MAD1L1: variants seen among roughly 807,000 people sequenced by gnomAD.
MAD1L1 encodes the protein mitotic arrest deficient 1 like 1.
A neutral mutation model predicts 96.9 loss-of-function variants in MAD1L1; 95 were observed. The ratio of observed to expected loss-of-function variants is 0.98; its 90% CI spans 0.83 to 1.16. The LOEUF (loss-of-function observed/expected upper bound fraction) is 1.16. MAD1L1 is among the 50% of genes most tolerant of loss of function. MAD1L1 has a pLI of 0.00. For synonymous variants in MAD1L1, 473 were observed against 396.6 expected, an observed-to-expected ratio of 1.19 and a Z score of -2.29; for missense variants, 1,007 against 954.4, an observed-to-expected ratio of 1.06 and a Z score of -0.73.
intron 9 of MAD1L1, among the ~76,000 whole-genome samples, chr7:2,214,983 G>A (rs1793184667): frequency 6.6e-6 from 1 of 152,176 alleles, no homozygotes; most frequent in Non-Finnish European, 1.5e-5. Flanking sequence ...TGTCATCTCA[G>A]CACTTTGGGA....
At chr7:1,826,183 C>G (rs1782382933) in intron 18 of MAD1L1, among the ~76,000 whole-genome samples, 1 of 152,168 alleles carries the variant, frequency 6.6e-6, no homozygotes, top group African/African-American at 2.4e-5. Context: ...ACAGGAGTCT[C>G]AGGTGCTGTG....
intron 14 of MAD1L1, among the ~76,000 whole-genome samples, chr7:1,987,852 C>A (rs180759729): frequency 6.6e-6 from 1 of 152,314 alleles, no homozygotes; most frequent in African/African-American, 2.4e-5. Context: ...CCAGCCCTCA[C>A]CGTGACGACG....
intron 11 of MAD1L1, among the ~76,000 whole-genome samples, chr7:2,102,859 T>C (rs1347864736): frequency 1.3e-5 from 2 of 152,162 alleles, no homozygotes; most frequent in Non-Finnish European, 2.9e-5. Flanking sequence ...ATGAGACGCA[T>C]CCTTGTCACT....
chr7:1,836,364 G>C (rs950041389), intron 18 of MAD1L1, among the ~76,000 whole-genome samples: 1 of 152,116 alleles, frequency 6.6e-6, no homozygotes, highest in African/African-American at 2.4e-5. Context: ...GGTGGGTTTG[G>C]GGTCAGCTTC....
chr7:2,126,325 G>C (rs1049276253), intron 11 of MAD1L1, among the ~76,000 whole-genome samples: 1 of 152,198 alleles, frequency 6.6e-6, no homozygotes, highest in Non-Finnish European at 1.5e-5. Context: ...GGTAACAAGG[G>C]CAGCTTCGAA....
intron 10 of MAD1L1, among the ~76,000 whole-genome samples, chr7:2,195,684 T>A (rs1791952124): frequency 6.6e-6 from 1 of 152,244 alleles, no homozygotes; most frequent in African/African-American, 2.4e-5. Flanking sequence ...AGTATTGTGT[T>A]GCAGCCTCAG....
intron 17 of MAD1L1, among the ~76,000 whole-genome samples, chr7:1,903,157 A>G (rs1787366223): frequency 6.6e-6 from 1 of 150,430 alleles, no homozygotes; most frequent in Admixed American, 6.6e-5. Flanking sequence ...TTGATCCAGC[A>G]CTGTTCCAGG....
chr7:1,988,957 CTG>C (rs1452808832), intron 14 of MAD1L1, among the ~76,000 whole-genome samples: 2 of 152,262 alleles, frequency 1.3e-5, no homozygotes, highest in Non-Finnish European at 2.9e-5. Flanking sequence ...CCCAGCAAGA[CTG>C]AGAGCCCTTC....
At chr7:1,839,605 G>A (rs1783131848) in intron 18 of MAD1L1, among the ~76,000 whole-genome samples, 2 of 152,242 alleles carry the variant, frequency 1.3e-5, no homozygotes, top group South Asian at 2.1e-4. Context: ...CTTAGTCAAA[G>A]GAGTAACTTT....
chr7:2,194,641 C>T (rs1352391615), intron 10 of MAD1L1, among the ~76,000 whole-genome samples: 2 of 152,188 alleles, frequency 1.3e-5, no homozygotes, highest in Non-Finnish European at 2.9e-5. Context: ...TAATACCCAG[C>T]CCTTTACAGA....
At chr7:1,971,531 G>T (rs994125701) in intron 15 of MAD1L1, among the ~76,000 whole-genome samples, 1 of 152,156 alleles carries the variant, frequency 6.6e-6, no homozygotes, top group African/African-American at 2.4e-5. Flanking sequence ...CAAATGATGT[G>T]TGTTTCACTT....
intron 15 of MAD1L1, among the ~76,000 whole-genome samples, chr7:1,971,757 T>G (rs2128480112): frequency 6.6e-6 from 1 of 152,188 alleles, no homozygotes; most frequent in South Asian, 2.1e-4. Flanking sequence ...TCCAGACAGA[T>G]GAGTGGCAAA....
intron 18 of MAD1L1, among the ~76,000 whole-genome samples, chr7:1,887,919 C>CGTGTA (rs1562492093): frequency 4.5e-4 from 10 of 22,084 alleles, no homozygotes; most frequent in South Asian, 1.8e-3. Context: ...GCATGCATGG[C>CGTGTA]TGCGGCTGCC....
At chr7:1,839,727 T>A (rs554700710) in intron 18 of MAD1L1, among the ~76,000 whole-genome samples, 43 of 152,174 alleles carry the variant, frequency 2.8e-4, no homozygotes, top group African/African-American at 9.6e-4. Flanking sequence ...GCCCTTCAGT[T>A]AGAACATCCC....
In MAD1L1 at chr7:1,832,742, A is replaced by C. The variant is rs4425649; in HGVS notation, c.1999-16514T>G. Among the ~76,000 whole-genome samples, 9 of 87,368 alleles carry C rather than the reference A, an allele frequency of 1.0e-4. 1 individual carries two copies. In the South Asian group the frequency reaches 1.8e-3, roughly 17 times the overall value. 57.3% of individuals were successfully genotyped at this position (87,368 alleles called of 152,430 possible). A position where few individuals can be genotyped will look rare whatever the true frequency, so the allele number is the denominator to read the frequency against. On this transcript the variant is annotated intron_variant, in intron 18 of 18. Transcript: ENST00000265854. ...CACCTCCCAGGTTCAAGCGATTTTCATGCCTCAGCCTCCCAAGTAGCTGGG... is the reference window on the plus strand; with the variant it reads ...CACCTCCCAGGTTCAAGCGATTTTCCTGCCTCAGCCTCCCAAGTAGCTGGG...
intron 16 of MAD1L1, among the ~76,000 whole-genome samples, chr7:1,952,948 G>A (rs1467024145): frequency 6.6e-6 from 1 of 152,236 alleles, no homozygotes; most frequent in Non-Finnish European, 1.5e-5. Flanking sequence ...CCCCGGTACA[G>A]GGACACGACC....
chr7:1,891,458 A>G (rs753336180), intron 18 of MAD1L1, among the ~76,000 whole-genome samples: 3 of 152,164 alleles, frequency 2.0e-5, no homozygotes, highest in Non-Finnish European at 4.4e-5. Context: ...CCAGGGAGGC[A>G]GAGGTTGCAG....
Position 2,082,368 on chromosome 7 carries a change from G to A in MAD1L1, c.1074-13030C>T, listed in dbSNP as rs192031301. On this transcript the variant is annotated intron_variant, in intron 11 of 18. Transcript: ENST00000265854. Reference sequence around the variant, plus strand: ...GAGCGGGAGAGACAGGAGGGAAGGAGCCAGGCCTGGGGAGCTCAGCAAGGG... The same window carrying A: ...GAGCGGGAGAGACAGGAGGGAAGGAACCAGGCCTGGGGAGCTCAGCAAGGG... Among the ~76,000 whole-genome samples, 24 of 152,252 alleles carry A rather than the reference G, an allele frequency of 1.6e-4. No individual in the cohort carries two copies. The East Asian group carries it at 4.6e-3, about 29-fold the overall frequency.
intron 18 of MAD1L1, among the ~76,000 whole-genome samples, chr7:1,885,167 G>A (rs534941358): frequency 6.6e-6 from 1 of 152,130 alleles, no homozygotes; most frequent in Non-Finnish European, 1.5e-5. Context: ...CGCTGCTCCA[G>A]CCTCAGAGAT....
Sources: gnomAD v4.1 joint callset for allele counts (sites outside exome capture counted in the v4.1 genomes callset) on GRCh38, gnomAD v4.1.1 for gene constraint, MANE v1.5 for transcripts, NCBI Gene and HGNC (gene_info 2026-07-23, HGNC 2026-07-21) for gene names.